TOM1: variants seen among roughly 807,000 people sequenced by gnomAD.
TOM1 encodes target of myb1 membrane trafficking protein, also known as target of Myb protein 1.
A neutral mutation model predicts 61.3 loss-of-function variants in TOM1; 38 were observed. That is an observed-to-expected ratio of 0.62 (90% CI 0.48 to 0.81). The LOEUF (loss-of-function observed/expected upper bound fraction) is 0.81, where lower values mean the gene tolerates loss of function less well. Ranked by LOEUF, TOM1 falls within the 40% of genes least tolerant of loss-of-function variation. The probability of loss-of-function intolerance (pLI) is 0.00; values close to 1 mark genes in which losing one functional copy is unlikely to be tolerated. For synonymous variants in TOM1, 270 were observed against 268.8 expected, an observed-to-expected ratio of 1.00 and a Z score of -0.04; for missense variants, 591 against 659.6, an observed-to-expected ratio of 0.90 and a Z score of 1.14.
intron 1 of TOM1, among the ~76,000 whole-genome samples, chr22:35,310,060 A>G (rs1926686542): frequency 6.6e-6 from 1 of 152,262 alleles, no homozygotes; most frequent in African/African-American, 2.4e-5. Context: ...GAGTACAGTA[A>G]TAGAAATACA....
Position 35,347,380 on chromosome 22 carries a change from T to A in TOM1, c.*171T>A. On this transcript the variant is annotated 3_prime_UTR_variant, in exon 15 of 15. Transcript: ENST00000449058. ...GCTGTGGCTGGGGGTGTGGAGGCAGTGGGATGAACTGGGGGACAGGTCTGC... is the reference window on the plus strand; with the variant it reads ...GCTGTGGCTGGGGGTGTGGAGGCAGAGGGATGAACTGGGGGACAGGTCTGC... 2 of 617,642 alleles carry A rather than the reference T, an allele frequency of 3.2e-6. No homozygotes were observed. Among genetic ancestry groups the A allele is most frequent in the Non-Finnish European group, 5.4e-6 (2 of 372,662 alleles). 38.3% of individuals were successfully genotyped at this position (617,642 alleles called of 1,614,324 possible). A position where few individuals can be genotyped will look rare whatever the true frequency, so the allele number is the denominator to read the frequency against.
rs565339927 is a variant in TOM1 at position 35,324,080 on chromosome 22, G to A, written c.648+166G>A. Among the ~76,000 whole-genome samples, 4 of 152,324 alleles carry A rather than the reference G, an allele frequency of 2.6e-5. No homozygotes were observed. In the East Asian group the frequency reaches 7.7e-4, roughly 29 times the overall value. On this transcript the variant is annotated intron_variant, in intron 6 of 14. Coordinates refer to ENST00000449058, the MANE Select transcript of TOM1 (RefSeq NM_005488.3). The stretch of plus-strand genomic sequence containing the variant: ...TGTTTGAGCGATGAGACTCAGAGAG[G>A]TCCATTCACTTGCCCAGAGCACACA...
At chr22:35,308,122 G>T (rs1405033048) in intron 1 of TOM1, among the ~76,000 whole-genome samples, 1 of 152,020 alleles carries the variant, frequency 6.6e-6, no homozygotes, top group Non-Finnish European at 1.5e-5. Context: ...CTGTTTCCTG[G>T]ATCTCCAGCC....
intron 1 of TOM1, among the ~76,000 whole-genome samples, chr22:35,313,145 G>A (rs866522646): frequency 6.6e-6 from 1 of 152,152 alleles, no homozygotes; most frequent in Admixed American, 6.5e-5. Flanking sequence ...TCAGGAGTTC[G>A]AGACCAGCCT....
chr22:35,346,881 G>C, intron 13 of TOM1, 49 bp from the exon 14 acceptor site: 1 of 1,577,042 alleles, frequency 6.3e-7, no homozygotes, highest in Non-Finnish European at 8.7e-7. Flanking sequence ...CAGGCTGACC[G>C]TACTGGGGGC....
At chr22:35,303,233 A>G (rs1926010661) in intron 1 of TOM1, among the ~76,000 whole-genome samples, 1 of 152,082 alleles carries the variant, frequency 6.6e-6, no homozygotes, top group African/African-American at 2.4e-5. Flanking sequence ...TTCAAAGTAC[A>G]GGGCATCATC....
chr22:35,335,122 C>T (rs1294342145), intron 11 of TOM1, among the ~76,000 whole-genome samples: 2 of 152,138 alleles, frequency 1.3e-5, no homozygotes, highest in African/African-American at 2.4e-5. Flanking sequence ...GAGAACTGGC[C>T]CCGTACAGGC....
chr22:35,306,875 A>T (rs1191291332), intron 1 of TOM1, among the ~76,000 whole-genome samples: 1 of 152,202 alleles, frequency 6.6e-6, no homozygotes, highest in Non-Finnish European at 1.5e-5. Context: ...ACATTCACAG[A>T]CAGGTCAGGT....
chr22:35,343,786 ACACACCTACACCTACC>A (rs746193519), intron 12 of TOM1, among the ~76,000 whole-genome samples: 142 of 145,330 alleles, frequency 9.8e-4, no homozygotes, highest in Non-Finnish European at 1.2e-3. Flanking sequence ...TACACACACC[ACACACCTACACCTACC>A]CACACCTACA....
intron 11 of TOM1, among the ~76,000 whole-genome samples, chr22:35,336,379 G>T (rs1929337921): frequency 6.6e-6 from 1 of 152,066 alleles, no homozygotes; most frequent in Admixed American, 6.5e-5. Flanking sequence ...CCCTGTACCT[G>T]CCTGGCTCCC....
chr22:35,319,967 G>T (rs1353631707), intron 2 of TOM1, among the ~76,000 whole-genome samples: 1 of 152,230 alleles, frequency 6.6e-6, no homozygotes, highest in African/African-American at 2.4e-5. Flanking sequence ...CCAGTGCCAG[G>T]GTTCCAGGCT....
At position 35,307,665 on chromosome 22, in the gene TOM1, G is replaced by C. The variant is rs78671239; in HGVS notation, c.52+7685G>C. On this transcript the variant is annotated intron_variant, in intron 1 of 14. Transcript: ENST00000449058. ...GGAACTGGGCCTCGCTCCTGCTGGG[G>C]AAGGTAGAGAAGGGAAGGACGGAGC... Among the ~76,000 whole-genome samples, 495 of 152,304 alleles carry C rather than the reference G, an allele frequency of 3.3e-3. 6 individuals carry two copies. Among genetic ancestry groups the C allele is most frequent in the African/African-American group, 0.011 (478 of 41,576 alleles).
chr22:35,343,753 CCCT>C (rs1394303615), intron 12 of TOM1, among the ~76,000 whole-genome samples: 1 of 144,572 alleles, frequency 6.9e-6, no homozygotes, highest in Non-Finnish European at 1.5e-5. Flanking sequence ...ACACACACAC[CCCT>C]ACACCTACAC....
In TOM1 at chr22:35,323,261, G is replaced by T; in HGVS notation, c.366+84G>T. The T allele has an allele frequency of 6.5e-7, 1 of 1,540,564 alleles. No homozygotes were observed. The highest frequency in any genetic ancestry group is 8.8e-7 in the Non-Finnish European group (1 of 1,141,638). On this transcript the variant is annotated intron_variant, in intron 4 of 14. Coordinates refer to ENST00000449058, the MANE Select transcript of TOM1 (RefSeq NM_005488.3). This position sits in a 1 kb window ranked among gnomAD's most constrained non-coding sequence, Gnocchi z 4.2. The stretch of plus-strand genomic sequence containing the variant: ...TGCCCAGTGGAGAGTCGAGGCCATC[G>T]TGTTTGTCCCAGGCTCCGCTTCTCA...
chr22:35,326,725 G>A (rs1036612443), intron 6 of TOM1, among the ~76,000 whole-genome samples: 1 of 150,996 alleles, frequency 6.6e-6, no homozygotes, highest in African/African-American at 2.4e-5. Context: ...GAGAGAGGGC[G>A]GGATCCCAGT....
Position 35,323,265 on chromosome 22 carries a change from T to C in TOM1, c.366+88T>C. 1 of 1,533,556 alleles carries C rather than the reference T, an allele frequency of 6.5e-7. No individual in the cohort carries two copies. The highest frequency in any genetic ancestry group is 8.8e-7 in the Non-Finnish European group (1 of 1,136,472). The allele number at this position is 1,533,556 out of a possible 1,614,324, so 95.0% of individuals were successfully genotyped here. ...CAGTGGAGAGTCGAGGCCATCGTGT[T>C]TGTCCCAGGCTCCGCTTCTCATTTC... is the stretch of plus-strand genomic sequence containing the variant. On this transcript the variant is annotated intron_variant, in intron 4 of 14. Transcript: ENST00000449058. The surrounding 1 kb of genome is among the most constrained non-coding windows in gnomAD (Gnocchi z 4.2).
intron 6 of TOM1, 148 bp downstream of exon 6, chr22:35,324,062 G>A (rs958169441): frequency 3.0e-6 from 3 of 1,012,422 alleles, no homozygotes; most frequent in Non-Finnish European, 4.2e-6. Context: ...TCCTGTTTGA[G>A]CGATGAGACT....
At chr22:35,311,568 A>G (rs2050633270) in intron 1 of TOM1, among the ~76,000 whole-genome samples, 1 of 152,238 alleles carries the variant, frequency 6.6e-6, no homozygotes. Context: ...GCAGAGCCTC[A>G]GTCGGTCATT....
intron 1 of TOM1, among the ~76,000 whole-genome samples, chr22:35,309,908 C>G (rs1370820382): frequency 1.3e-5 from 2 of 152,182 alleles, no homozygotes; most frequent in Non-Finnish European, 1.5e-5. Flanking sequence ...GCTTCCATCT[C>G]TGTGGCCAGA....
Sources: gnomAD v4.1 joint callset for allele counts (sites outside exome capture counted in the v4.1 genomes callset) on GRCh38, gnomAD v4.1.1 for gene constraint, Gnocchi (gnomAD v3.1) non-coding constraint, MANE v1.5 for transcripts, NCBI Gene and HGNC (gene_info 2026-07-23, HGNC 2026-07-21) for gene names.